The following SEMA6D variants were observed in gnomAD, a reference collection of about 807,000 sequenced individuals.
SEMA6D encodes semaphorin-6D.
In SEMA6D, 35 loss-of-function variants were observed where a neutral mutation model predicts 106.6. The ratio of observed to expected loss-of-function variants is 0.33; its 90% CI spans 0.25 to 0.44. The LOEUF (loss-of-function observed/expected upper bound fraction) is 0.44, where lower values mean the gene tolerates loss of function less well. Ranked by LOEUF, SEMA6D falls within the 20% of genes least tolerant of loss-of-function variation. SEMA6D has a pLI of 1.00. For missense variants in SEMA6D, 1,185 were observed against 1,345.9 expected, an observed-to-expected ratio of 0.88 and a Z score of 1.87; for synonymous variants, 499 against 487.7, an observed-to-expected ratio of 1.02 and a Z score of -0.31.
At chr15:47,299,103 G>A (rs2035919801) in intron 1 of SEMA6D, among the ~76,000 whole-genome samples, 2 of 152,314 alleles carry the variant, frequency 1.3e-5, no homozygotes, top group South Asian at 2.1e-4. Flanking sequence ...GATGGCAGAT[G>A]TCAAGGTGAC....
At chr15:47,249,614 C>T (rs76035674) in intron 1 of SEMA6D, among the ~76,000 whole-genome samples, 3,562 of 152,074 alleles carry the variant, frequency 0.023, 57 homozygotes, top group Middle Eastern at 0.051. Flanking sequence ...AGGCTGTGGA[C>T]TAGGAGCCTA....
In SEMA6D at chr15:47,768,709, A is replaced by G. The variant is rs776774077; in HGVS notation, c.1894A>G (p.Thr632Ala). The G allele has an allele frequency of 5.0e-6, 8 of 1,613,290 alleles. No homozygotes were observed. In the Admixed American group the frequency reaches 1.2e-4, roughly 24 times the overall value. Reference sequence around the variant, plus strand: ...ATTTGTAGTTCAAGATGATCCAAACACTTCTGATTTTACTGATCCTTTATC... The same window carrying G: ...ATTTGTAGTTCAAGATGATCCAAACGCTTCTGATTTTACTGATCCTTTATC... Reference protein sequence around the residue: ...RKFVVQDDPNTSDFTDPLSGI... With the variant: ...RKFVVQDDPNASDFTDPLSGI... The change falls in exon 18 of 19, where the codon ACT (threonine) becomes GCT (alanine). Residue 632 changes from threonine (T) to alanine (A), a missense_variant. Physicochemically the swap from Thr to Ala is moderately conservative, Grantham distance 58. This residue lies in a region of SEMA6D where 750 missense variants were observed against 783.5 expected (regional missense o/e 0.96). Transcript: ENST00000536845.
At chr15:47,483,912 T>C (rs1453417354) in intron 3 of SEMA6D, among the ~76,000 whole-genome samples, 1 of 152,172 alleles carries the variant, frequency 6.6e-6, no homozygotes, top group Non-Finnish European at 1.5e-5. Flanking sequence ...AATGCCCTGC[T>C]TCGTTTCTTT....
intron 3 of SEMA6D, among the ~76,000 whole-genome samples, chr15:47,572,675 T>C (rs143625300): frequency 7.0e-4 from 107 of 152,282 alleles, no homozygotes; most frequent in African/African-American, 2.5e-3. Flanking sequence ...CAAACACATA[T>C]ATACAACACT....
At chr15:47,316,941 A>T (rs2036707826) in intron 1 of SEMA6D, among the ~76,000 whole-genome samples, 1 of 152,154 alleles carries the variant, frequency 6.6e-6, no homozygotes, top group Non-Finnish European at 1.5e-5. Flanking sequence ...CATGTTTAGG[A>T]AGTAGACCCT....
intron 1 of SEMA6D, among the ~76,000 whole-genome samples, chr15:47,382,422 A>G (rs565265755): frequency 9.2e-5 from 14 of 152,226 alleles, no homozygotes; most frequent in African/African-American, 3.4e-4. Flanking sequence ...CAGCAGAATG[A>G]CGTGAACTCA....
intron 4 of SEMA6D, among the ~76,000 whole-genome samples, chr15:47,648,536 A>G (rs1297328556): frequency 6.6e-6 from 1 of 151,626 alleles, no homozygotes; most frequent in Non-Finnish European, 1.5e-5. Context: ...AATCATACAA[A>G]TGCACTTAGG....
At chr15:47,465,501 G>A (rs1363545974) in intron 2 of SEMA6D, among the ~76,000 whole-genome samples, 1 of 152,180 alleles carries the variant, frequency 6.6e-6, no homozygotes, top group African/African-American at 2.4e-5. Flanking sequence ...ATATGGTTTG[G>A]ATTTGTGTCC....
At chr15:47,623,606 G>GGTAA (rs1326360338) in intron 4 of SEMA6D, among the ~76,000 whole-genome samples, 1 of 152,140 alleles carries the variant, frequency 6.6e-6, no homozygotes, top group Non-Finnish European at 1.5e-5. Context: ...GTGAAGAGCA[G>GGTAA]GTAAGTCAGA....
At chr15:47,614,882 C>T (rs1240019084) in intron 4 of SEMA6D, among the ~76,000 whole-genome samples, 1 of 152,202 alleles carries the variant, frequency 6.6e-6, no homozygotes, top group Non-Finnish European at 1.5e-5. Context: ...CAATATCCAT[C>T]CTACAGGTTT....
At chr15:47,543,435 C>T (rs552760500) in intron 3 of SEMA6D, among the ~76,000 whole-genome samples, 4 of 152,224 alleles carry the variant, frequency 2.6e-5, no homozygotes, top group African/African-American at 9.6e-5. Flanking sequence ...TGCCTGCCAC[C>T]ATGTAAGATG....
In SEMA6D at chr15:47,247,105, A is replaced by G. The variant is rs189168170; in HGVS notation, c.-239+62687A>G. 3.0e-4 allele frequency among the ~76,000 whole-genome samples: 46 copies of G among 152,342 alleles called. No individual in the cohort carries two copies. The Middle Eastern group carries it at 0.017, about 56-fold the overall frequency. Reference sequence around the variant, plus strand: ...TTTGCTAACTGCAAGTAGAAAAACTACACTAGAAATATAAGATCCAGTCTT... The same window carrying G: ...TTTGCTAACTGCAAGTAGAAAAACTGCACTAGAAATATAAGATCCAGTCTT... On this transcript the variant is annotated intron_variant, in intron 1 of 19. Coordinates refer to the SEMA6D transcript ENST00000558014.
At chr15:47,472,093 C>T (rs982675188) in intron 3 of SEMA6D, among the ~76,000 whole-genome samples, 1 of 152,066 alleles carries the variant, frequency 6.6e-6, no homozygotes, top group African/African-American at 2.4e-5. Context: ...CAGCAAAACG[C>T]AAGAAGGCAA....
At chr15:47,508,964 G>C (rs931625253) in intron 3 of SEMA6D, among the ~76,000 whole-genome samples, 1 of 152,168 alleles carries the variant, frequency 6.6e-6, no homozygotes, top group Middle Eastern at 3.4e-3. Context: ...TGCGGGGGGA[G>C]ACAGAACTGA....
At chr15:47,428,286 C>G (rs1196981436) in intron 2 of SEMA6D, among the ~76,000 whole-genome samples, 3 of 152,028 alleles carry the variant, frequency 2.0e-5, no homozygotes, top group African/African-American at 7.2e-5. Flanking sequence ...TTATGTTGAT[C>G]AAAGGTTTTA....
chr15:47,598,697 A>G (rs2076584105), intron 3 of SEMA6D, among the ~76,000 whole-genome samples: 2 of 152,148 alleles, frequency 1.3e-5, no homozygotes, highest in Admixed American at 6.6e-5. Flanking sequence ...CTTAAACAGT[A>G]TATGAGGGCC....
intron 1 of SEMA6D, among the ~76,000 whole-genome samples, chr15:47,239,249 A>T (rs1424151425): frequency 6.6e-6 from 1 of 152,172 alleles, no homozygotes; most frequent in Non-Finnish European, 1.5e-5. Flanking sequence ...TCACCCCCAG[A>T]TGGGACCGTG....
intron 1 of SEMA6D, among the ~76,000 whole-genome samples, chr15:47,284,463 A>C (rs565194849): frequency 6.6e-6 from 1 of 152,200 alleles, no homozygotes; most frequent in Non-Finnish European, 1.5e-5. Context: ...AGTCCGTTGT[A>C]CTATGAGTCT....
intron 1 of SEMA6D, among the ~76,000 whole-genome samples, chr15:47,747,091 C>A (rs1456596207): frequency 1.3e-5 from 2 of 151,746 alleles, no homozygotes. Context: ...ATTTTGTCAT[C>A]TTCCCGGATA....
Sources: allele counts gnomAD v4.1 joint callset (sites outside exome capture counted in the v4.1 genomes callset), GRCh38; gene constraint gnomAD v4.1.1; regional missense constraint gnomAD v4.1.1; transcripts MANE v1.5; gene names NCBI Gene and HGNC (gene_info 2026-07-23, HGNC 2026-07-21).